The following MAN2A1 variants were observed in gnomAD, a reference collection of about 807,000 sequenced individuals.
The protein encoded by MAN2A1 is mannosidase alpha class 2A member 1, also known as alpha-mannosidase 2.
MAN2A1 carries 76 observed loss-of-function variants against 142.6 expected under a neutral mutation model. The ratio of observed to expected loss-of-function variants is 0.53; its 90% CI spans 0.44 to 0.65. The LOEUF is 0.65. MAN2A1 is among the 30% of genes least tolerant of loss of function. The pLI is 0.00. For missense variants in MAN2A1, 1,311 were observed against 1,365.1 expected, an observed-to-expected ratio of 0.96 and a Z score of 0.62; for synonymous variants, 559 against 473.2, an observed-to-expected ratio of 1.18 and a Z score of -2.35.
chr5:109,786,900 T>A (rs1422459745), intron 10 of MAN2A1, among the ~76,000 whole-genome samples: 2 of 152,026 alleles, frequency 1.3e-5, no homozygotes. Flanking sequence ...GACAACTGGT[T>A]CTGGTATGGC....
At chr5:109,768,784 T>C (rs1001522368) in intron 6 of MAN2A1, among the ~76,000 whole-genome samples, 3 of 152,190 alleles carry the variant, frequency 2.0e-5, no homozygotes, top group African/African-American at 4.8e-5. Flanking sequence ...GAACAAGAAC[T>C]TGTAGGGGAT....
At chr5:109,818,326 G>A (rs13189468) in intron 13 of MAN2A1, among the ~76,000 whole-genome samples, 56,936 of 151,660 alleles carry the variant, frequency 0.38, 11,440 homozygotes, top group African/African-American at 0.53. Context: ...TTAGTAGAGA[G>A]GGGGTTTCAC....
chr5:109,855,157 G>A lies in MAN2A1; in HGVS notation c.2994G>A (p.Ser998=), dbSNP rs760630140. ...CTTGATAGGAAGAAGAAAAGAAGTC[G>A]GTCAGTTATCCTTCTCTCCTTAGCC... The part of the protein sequence containing the change: ...SAVNTEEEKK[S]VSYPSLLSHI... The change falls in exon 20 of 22, where the codon TCG becomes TCA. Residue 998 remains serine, a synonymous_variant. Transcript: ENST00000261483. 8.4e-6 allele frequency: 13 copies of A among 1,540,966 alleles called. No homozygotes were observed. Among genetic ancestry groups the A allele is most frequent in the South Asian group, 6.6e-5 (5 of 75,994 alleles).
rs144166477 is a variant in MAN2A1 at position 109,784,289 on chromosome 5, C to T, written c.1578-455C>T. ...TGCCTCTCCTCTCCTCTGAGTGTCC[C>T]GCTCACCGACCATGCCTTTCTTTCT... On this transcript the variant is annotated intron_variant, in intron 9 of 21. Coordinates refer to ENST00000261483, the MANE Select transcript of MAN2A1 (RefSeq NM_002372.4). 2.0e-4 allele frequency among the ~76,000 whole-genome samples: 30 copies of T among 152,260 alleles called. 1 individual carries two copies. In the East Asian group the frequency reaches 4.2e-3, roughly 22 times the overall value.
chr5:109,731,058 C>G (rs1465614962), intron 4 of MAN2A1, among the ~76,000 whole-genome samples: 3 of 151,964 alleles, frequency 2.0e-5, no homozygotes, highest in South Asian at 2.1e-4. Context: ...TCCTTCTCAT[C>G]TTTTTGTTTT....
chr5:109,712,677 CAG>C (rs1003558103), intron 1 of MAN2A1, among the ~76,000 whole-genome samples: 1 of 152,146 alleles, frequency 6.6e-6, no homozygotes, highest in African/African-American at 2.4e-5. Context: ...TGTTCAAAGA[CAG>C]GGGCCCGTAT....
chr5:109,848,984 G>T (rs1755409810), intron 19 of MAN2A1, among the ~76,000 whole-genome samples: 1 of 152,160 alleles, frequency 6.6e-6, no homozygotes, highest in South Asian at 2.1e-4. Context: ...AGTAGATCCA[G>T]TGCATATTGA....
In MAN2A1 at chr5:109,812,466, G is replaced by A. The variant is rs1038848568; in HGVS notation, c.1944-4807G>A. Among the ~76,000 whole-genome samples the A allele has an allele frequency of 2.0e-5, 3 of 152,196 alleles. No individual in the cohort carries two copies. In the East Asian group the frequency reaches 5.8e-4, roughly 29 times the overall value. ...CAAAAGAACTTCAAATCTAGATATTGCAACTTCTGTTAACATGTAAATTCA... is the reference window on the plus strand; with the variant it reads ...CAAAAGAACTTCAAATCTAGATATTACAACTTCTGTTAACATGTAAATTCA... On this transcript the variant is annotated intron_variant, in intron 12 of 21. Coordinates refer to ENST00000261483, the MANE Select transcript of MAN2A1 (RefSeq NM_002372.4).
chr5:109,772,222 C>A (rs1474949976), intron 7 of MAN2A1, among the ~76,000 whole-genome samples: 11 of 152,010 alleles, frequency 7.2e-5, no homozygotes, highest in Non-Finnish European at 1.2e-4. Context: ...TGGTAAAACC[C>A]CATTTCTATG....
At chr5:109,837,647 G>C (rs1055253694) in intron 16 of MAN2A1, among the ~76,000 whole-genome samples, 2 of 152,028 alleles carry the variant, frequency 1.3e-5, no homozygotes, top group Non-Finnish European at 2.9e-5. Flanking sequence ...ATAACTCTTG[G>C]CTCCTGTCAT....
chr5:109,739,315 C>T (rs1752199029), intron 4 of MAN2A1, among the ~76,000 whole-genome samples: 1 of 151,938 alleles, frequency 6.6e-6, no homozygotes, highest in African/African-American at 2.4e-5. Context: ...TTAAGATTTC[C>T]ACCTATCAAT....
intron 1 of MAN2A1, among the ~76,000 whole-genome samples, chr5:109,706,110 C>T (rs1197089841): frequency 1.3e-5 from 2 of 152,190 alleles, no homozygotes; most frequent in Non-Finnish European, 2.9e-5. Context: ...TTTAAATTTA[C>T]TTGCATATAC....
chr5:109,702,315 T>TTTTGTG (rs1273188590), intron 1 of MAN2A1, among the ~76,000 whole-genome samples: 1 of 144,034 alleles, frequency 6.9e-6, no homozygotes, highest in Non-Finnish European at 1.5e-5. Context: ...AGAACATAAA[T>TTTTGTG]TGTGTGTGTG....
intron 3 of MAN2A1, among the ~76,000 whole-genome samples, chr5:109,718,853 G>A (rs184888306): frequency 6.6e-6 from 1 of 152,140 alleles, no homozygotes; most frequent in Admixed American, 6.5e-5. Flanking sequence ...TTAGAGTTTG[G>A]TTAAATAAGT....
rs559541160 is a variant in MAN2A1, at chr5:109,747,741, G to C, written c.708-7588G>C. On this transcript the variant is annotated intron_variant, in intron 4 of 21. Transcript: ENST00000261483. ...AGCAAGTTGACATGCTTTTTCTATA[G>C]GGTATACTGCCTGGGAATAATGTGG... Among the ~76,000 whole-genome samples, 10 of 152,196 alleles carry C rather than the reference G, an allele frequency of 6.6e-5. No individual in the cohort carries two copies. The South Asian group carries it at 2.1e-3, about 32-fold the overall frequency.
chr5:109,808,098 T>C (rs1312757177), intron 12 of MAN2A1, among the ~76,000 whole-genome samples: 1 of 152,244 alleles, frequency 6.6e-6, no homozygotes, highest in Non-Finnish European at 1.5e-5. Context: ...CTTCATATAA[T>C]TGCATTTTAG....
intron 12 of MAN2A1, among the ~76,000 whole-genome samples, chr5:109,795,441 C>A (rs1753834562): frequency 6.6e-6 from 1 of 152,074 alleles, no homozygotes; most frequent in Non-Finnish European, 1.5e-5. Context: ...TGACTAGAGA[C>A]CATGAGACTG....
intron 1 of MAN2A1, among the ~76,000 whole-genome samples, chr5:109,706,913 A>C (rs551475707): frequency 1.3e-5 from 2 of 152,320 alleles, no homozygotes; most frequent in African/African-American, 4.8e-5. Flanking sequence ...GATTTGGTTG[A>C]GTGCAGATCT....
intron 16 of MAN2A1, among the ~76,000 whole-genome samples, chr5:109,833,090 G>A (rs1198741912): frequency 2.0e-5 from 3 of 150,804 alleles, no homozygotes; most frequent in Non-Finnish European, 4.4e-5. Flanking sequence ...GGGCAGAGGC[G>A]CTCCCCATAT....
Sources: allele counts gnomAD v4.1 joint callset (sites outside exome capture counted in the v4.1 genomes callset), GRCh38; gene constraint gnomAD v4.1.1; transcripts MANE v1.5; gene names NCBI Gene and HGNC (gene_info 2026-07-23, HGNC 2026-07-21).